Variants in IL17REL observed in about 807,000 individuals in gnomAD.
The protein encoded by IL17REL is interleukin-17 receptor E-like protein.
Under a neutral mutation model 49.0 loss-of-function variants are expected in IL17REL, and 36 were observed. The observed-to-expected ratio is 0.73, with a 90% CI of 0.56 to 0.97. IL17REL has a LOEUF of 0.97. IL17REL is among the 50% of genes least tolerant of loss of function. IL17REL has a pLI of 0.00. For synonymous variants in IL17REL, 206 were observed against 192.4 expected (o/e 1.07, Z -0.58); for missense variants, 470 against 453.9 (o/e 1.04, Z -0.32).
In IL17REL at chr22:49,997,336, G is replaced by A. The variant is rs757697970; in HGVS notation, c.958C>T (p.Arg320Cys). The change falls in exon 11 of 13, where the codon CGC becomes TGC. Residue 320 changes from arginine to cysteine, a missense_variant. Coordinates refer to ENST00000341280, the Ensembl canonical transcript of IL17REL. ...TCGGCTCACTGAGGCTGAAGGGAGC[G>A]GGCTGGCCTGGAGTGTGCGTTGGCA... 16 of 1,613,508 alleles carry A rather than the reference G, an allele frequency of 9.9e-6. No individual in the cohort carries two copies. The highest frequency in any genetic ancestry group is 2.2e-5 in the East Asian group (1 of 44,886).
At chr22:50,011,308 C>T (rs2061140221), upstream of IL17REL, among the ~76,000 whole-genome samples, 1 of 151,872 alleles carries the variant, frequency 6.6e-6, no homozygotes, top group Non-Finnish European at 1.5e-5. Context: ...TGCCCCTGCC[C>T]CTTTCCTTGG....
intron 1 of IL17REL, among the ~76,000 whole-genome samples, chr22:50,002,585 C>G (rs2061085712): frequency 6.6e-6 from 1 of 151,428 alleles, no homozygotes; most frequent in Non-Finnish European, 1.5e-5. Context: ...ACCTCCGCCT[C>G]CCAGCTTCAA....
At chr22:49,999,781 G>T in intron 5 of IL17REL, 47 bp downstream of exon 7, 1 of 1,340,892 alleles carries the variant, frequency 7.5e-7, no homozygotes. Flanking sequence ...GGGCGCGGAG[G>T]TGGGCGGGGC....
chr22:50,000,799 G>C, exon 3 of IL17REL: 1 of 1,603,560 alleles, frequency 6.2e-7, no homozygotes, highest in Non-Finnish European at 8.5e-7. Flanking sequence ...CCACCCACAC[G>C]CTCTGACACT....
intron 1 of IL17REL, among the ~76,000 whole-genome samples, chr22:50,003,678 AT>A (rs2061091522): frequency 6.6e-6 from 1 of 152,212 alleles, no homozygotes; most frequent in African/African-American, 2.4e-5. Context: ...TCCATTCCCG[AT>A]TAAAAAGAAA....
At chr22:50,003,922 G>A (rs1344707431) in intron 1 of IL17REL, among the ~76,000 whole-genome samples, 1 of 152,110 alleles carries the variant, frequency 6.6e-6, no homozygotes, top group Non-Finnish European at 1.5e-5. Context: ...AATGAAGAAG[G>A]AAAGTTGTGT....
chr22:50,010,806 G>A (rs1319089671), upstream of IL17REL, among the ~76,000 whole-genome samples: 1 of 36,950 alleles, frequency 2.7e-5, no homozygotes, highest in African/African-American at 1.4e-4. Context: ...GGGGAAGGTG[G>A]GGGGAGCGGG....
rs749120831 is a variant in IL17REL, at chr22:50,004,142, G to A, written c.-41-2911C>T. Among the ~76,000 whole-genome samples, 12 of 152,128 alleles carry A rather than the reference G, an allele frequency of 7.9e-5. No individual in the cohort carries two copies. The East Asian group carries it at 1.2e-3, about 15-fold the overall frequency. ...TGCCCAGGCTGAAGTGCAGTGGTGCGATCTCGGCTCACTGCAACCTCTGCT... is the reference window on the plus strand; with the variant it reads ...TGCCCAGGCTGAAGTGCAGTGGTGCAATCTCGGCTCACTGCAACCTCTGCT... On this transcript the variant is annotated intron_variant, in intron 1 of 12. Transcript: ENST00000341280.
chr22:49,998,334 A>T (rs375807131), intron 7 of IL17REL, 25 bp from the exon 10 acceptor site: 1 of 1,576,932 alleles, frequency 6.3e-7, no homozygotes, highest in Non-Finnish European at 8.6e-7. Context: ...CCCGAAACAC[A>T]GGTCAGTTGG....
downstream of IL17REL, among the ~76,000 whole-genome samples, chr22:49,993,535 GA>G (rs1302278273): frequency 2.0e-5 from 3 of 152,152 alleles, no homozygotes; most frequent in Non-Finnish European, 4.4e-5. The surrounding 1 kb of genome is among the most constrained non-coding windows in gnomAD (Gnocchi z 6.0). Context: ...CCAGCACTAA[GA>G]GCCACTGCCG....
At chr22:49,999,598 G>GC (rs2061062223) in intron 5 of IL17REL, 96 bp from the exon 8 acceptor site, 2 of 997,040 alleles carry the variant, frequency 2.0e-6, no homozygotes, top group African/African-American at 3.3e-5. Context: ...GAGCGGGGAC[G>GC]GGAGGTGGGT....
exon 13 of IL17REL, chr22:49,995,258 G>A (rs890131981): frequency 1.3e-5 from 2 of 152,560 alleles, no homozygotes; most frequent in Admixed American, 6.5e-5. Flanking sequence ...CAGGGACAGT[G>A]GCCATGACCA....
chr22:50,012,621 A>G (rs1382954004), upstream of IL17REL: 1 of 152,182 alleles, frequency 6.6e-6, no homozygotes, highest in African/African-American at 2.4e-5. Context: ...CAGGCCCAAG[A>G]ACGCGAGTGC....
chr22:50,005,572 C>T (rs1279110623), intron 1 of IL17REL, among the ~76,000 whole-genome samples: 6 of 152,038 alleles, frequency 3.9e-5, no homozygotes, highest in African/African-American at 1.4e-4. Context: ...GAGGTCGAGG[C>T]GGGCGGATCA....
At chr22:50,003,676 C>T (rs2061091472) in intron 1 of IL17REL, among the ~76,000 whole-genome samples, 1 of 151,978 alleles carries the variant, frequency 6.6e-6, no homozygotes, top group African/African-American at 2.4e-5. Context: ...CATCCATTCC[C>T]GATTAAAAAG....
intron 1 of IL17REL, among the ~76,000 whole-genome samples, chr22:50,003,597 C>T (rs1409294726): frequency 1.3e-5 from 2 of 151,440 alleles, no homozygotes; most frequent in Non-Finnish European, 2.9e-5. Flanking sequence ...CCACTGCACC[C>T]AACTGACAAA....
chr22:50,010,998 C>T (rs1332315175), upstream of IL17REL, among the ~76,000 whole-genome samples: 1 of 123,874 alleles, frequency 8.1e-6, no homozygotes, highest in Non-Finnish European at 1.7e-5. Context: ...CCGTCACCCG[C>T]GCGGGTCCCC....
rs1387052684 is a variant in IL17REL at position 49,999,716 on chromosome 22, CGCGGGGG to C, written c.474+105_474+111del. Reference sequence around the variant, plus strand: ...GGCCTAGGCCTGGCCGGGGGCGGGGCGCGGGGGGTGGGCGGGGCGCGGGGTGGGCGGG... The same window carrying C: ...GGCCTAGGCCTGGCCGGGGGCGGGGCGTGGGCGGGGCGCGGGGTGGGCGGG... On this transcript the variant is annotated intron_variant, in intron 5 of 12. Coordinates refer to ENST00000341280, the Ensembl canonical transcript of IL17REL. The C allele has an allele frequency of 4.3e-5, 17 of 391,894 alleles. 1 individual carries two copies. The highest frequency in any genetic ancestry group is 2.3e-4 in the East Asian group (2 of 8,682). 24.3% of individuals were successfully genotyped at this position (391,894 alleles called of 1,614,324 possible). A position where few individuals can be genotyped will look rare whatever the true frequency, so the allele number is the denominator to read the frequency against.
At chr22:50,003,211 G>A (rs1006517864) in intron 1 of IL17REL, among the ~76,000 whole-genome samples, 1 of 152,186 alleles carries the variant, frequency 6.6e-6, no homozygotes, top group African/African-American at 2.4e-5. Flanking sequence ...CAGAGGTGGA[G>A]AAAGAACAAC....
Sources: gnomAD v4.1 joint callset for allele counts (sites outside exome capture counted in the v4.1 genomes callset) on GRCh38, gnomAD v4.1.1 for gene constraint, Gnocchi (gnomAD v3.1) non-coding constraint, MANE v1.5 for transcripts, NCBI Gene and HGNC (gene_info 2026-07-23, HGNC 2026-07-21) for gene names.